RAB37: variants seen among roughly 807,000 people sequenced by gnomAD.
RAB37 encodes RAB37, member RAS oncogene family.
Under a neutral mutation model 33.1 loss-of-function variants are expected in RAB37, and 29 were observed. The ratio of observed to expected loss-of-function variants is 0.88; its 90% CI spans 0.65 to 1.20. The LOEUF (loss-of-function observed/expected upper bound fraction) is 1.20, where lower values mean the gene tolerates loss of function less well. RAB37 is among the 50% of genes most tolerant of loss of function. The probability of loss-of-function intolerance (pLI) is 0.00; values close to 1 mark genes in which losing one functional copy is unlikely to be tolerated. For synonymous variants in RAB37, 128 were observed against 119.5 expected (o/e 1.07, Z -0.47); for missense variants, 299 against 301.1 (o/e 0.99, Z 0.05).
upstream of RAB37, chr17:74,736,602 C>G (rs2034478402): frequency 6.5e-7 from 1 of 1,531,006 alleles, no homozygotes; most frequent in Non-Finnish European, 8.7e-7. Flanking sequence ...CTTGCGAAAG[C>G]TCTCCCCTGG....
At chr17:74,702,977 G>T in intron 1 of RAB37, 2 of 1,371,962 alleles carry the variant, frequency 1.5e-6, no homozygotes, top group Non-Finnish European at 2.1e-6. Flanking sequence ...ACTTCAAAGA[G>T]TTCTCCATTG....
intron 1 of RAB37, among the ~76,000 whole-genome samples, chr17:74,682,393 G>A (rs1356139933): frequency 4.6e-5 from 7 of 152,062 alleles, no homozygotes; most frequent in African/African-American, 1.7e-4. Context: ...TCCCCGTGGG[G>A]CCCCATTATT....
intron 1 of RAB37, among the ~76,000 whole-genome samples, chr17:74,719,466 A>G (rs1027215046): frequency 6.6e-6 from 1 of 152,094 alleles, no homozygotes; most frequent in Non-Finnish European, 1.5e-5. Flanking sequence ...AAAATAAATA[A>G]ATAAAATAAA....
chr17:74,697,315 C>T (rs547473998), intron 1 of RAB37, among the ~76,000 whole-genome samples: 1 of 152,242 alleles, frequency 6.6e-6, no homozygotes, highest in East Asian at 1.9e-4. Flanking sequence ...TTTCTCCCCT[C>T]CCCAGCCACC....
At chr17:74,713,406 G>C (rs2034093731) in intron 1 of RAB37, among the ~76,000 whole-genome samples, 1 of 152,002 alleles carries the variant, frequency 6.6e-6, no homozygotes, top group South Asian at 2.1e-4. Context: ...ATCAGCTTCT[G>C]AGAAGTACCT....
rs749387231 is a variant in RAB37 at position 74,742,204 on chromosome 17, A to C, written c.205-50A>C. On this transcript the variant is annotated intron_variant, in intron 2 of 8. Coordinates refer to ENST00000392613, the MANE Select transcript of RAB37 (RefSeq NM_001006638.3). The surrounding 1 kb of genome is among the most constrained non-coding windows in gnomAD (Gnocchi z 4.0). ...ACAAGACAGGACGTCTGCAGAGCTG[A>C]GGAGCCACATGACTCCTGCCCTCCC... The C allele has an allele frequency of 1.9e-6, 3 of 1,604,502 alleles. No homozygotes were observed. Among genetic ancestry groups the C allele is most frequent in the Non-Finnish European group, 1.7e-6 (2 of 1,175,072 alleles).
Position 74,707,239 on chromosome 17 carries a change from AC to A in RAB37, c.73-22016del, listed in dbSNP as rs543584622. Among the ~76,000 whole-genome samples the A allele has an allele frequency of 5.3e-5, 8 of 152,342 alleles. No individual in the cohort carries two copies. The South Asian group carries it at 1.7e-3, about 32-fold the overall frequency. ...AAAATATTTGCAAACCATAAATCTGACAAAGAGCTGATATCCAAAATACATA... is the reference window on the plus strand; with the variant it reads ...AAAATATTTGCAAACCATAAATCTGAAAAGAGCTGATATCCAAAATACATA... On this transcript the variant is annotated intron_variant, in intron 1 of 7. Coordinates refer to the RAB37 transcript ENST00000340415.
At chr17:74,705,210 T>C in intron 1 of RAB37, 1 of 702,458 alleles carries the variant, frequency 1.4e-6, no homozygotes, top group Middle Eastern at 2.3e-4. Context: ...TTACCTTGAC[T>C]CTTAGCACTG....
chr17:74,706,560 C>T (rs1395364875), intron 1 of RAB37, among the ~76,000 whole-genome samples: 2 of 151,938 alleles, frequency 1.3e-5, no homozygotes, highest in Non-Finnish European at 2.9e-5. Flanking sequence ...CCCAGCTACT[C>T]GGGAGGCTGA....
At chr17:74,727,630 T>C (rs548350250) in intron 1 of RAB37, among the ~76,000 whole-genome samples, 1 of 152,248 alleles carries the variant, frequency 6.6e-6, no homozygotes, top group East Asian at 1.9e-4. Flanking sequence ...ATGATGGCTT[T>C]CAGAGCACGG....
intron 1 of RAB37, among the ~76,000 whole-genome samples, chr17:74,700,726 T>C (rs147471984): frequency 7.2e-5 from 11 of 152,196 alleles, no homozygotes; most frequent in Non-Finnish European, 1.3e-4. Flanking sequence ...CACTCCAGCA[T>C]GGGTGACAGA....
intron 1 of RAB37, among the ~76,000 whole-genome samples, chr17:74,691,749 T>C (rs1354906840): frequency 1.3e-5 from 2 of 152,234 alleles, no homozygotes; most frequent in Non-Finnish European, 2.9e-5. Context: ...CATAAGCATA[T>C]ACTTATACAT....
At chr17:74,695,932 C>A in intron 1 of RAB37, 2 of 1,532,682 alleles carry the variant, frequency 1.3e-6, no homozygotes, top group Non-Finnish European at 1.8e-6. Context: ...CACGGTGGGA[C>A]GGGACGAGAG....
Position 74,713,117 on chromosome 17 carries a change from C to T in RAB37, c.73-16139C>T, listed in dbSNP as rs546143664. Reference sequence around the variant, plus strand: ...ATCAGGAGTTCAAGATCAGCCTGGCCAACATAGTGAAACCCCGTCTCTACT... The same window carrying T: ...ATCAGGAGTTCAAGATCAGCCTGGCTAACATAGTGAAACCCCGTCTCTACT... On this transcript the variant is annotated intron_variant, in intron 1 of 7. Coordinates refer to the RAB37 transcript ENST00000340415. 222 of 476,188 alleles carry T rather than the reference C, an allele frequency of 4.7e-4. No homozygotes were observed. In the East Asian group the frequency reaches 8.2e-3, roughly 18 times the overall value. 29.5% of individuals were successfully genotyped at this position (476,188 alleles called of 1,614,324 possible).
rs773267580 is a variant in RAB37, at chr17:74,704,475, T to TA, written c.73-24780dup. On this transcript the variant is annotated intron_variant, in intron 1 of 7. Transcript: ENST00000340415. ...ACACACACATATATACACTCCCTCT[T>TA]ACCTGGGTCAATGGTCACTTGAACT... 3.7e-6 allele frequency: 6 copies of TA among 1,605,360 alleles called. No homozygotes were observed. The African/African-American group carries it at 8.0e-5, about 21-fold the overall frequency.
intron 1 of RAB37, among the ~76,000 whole-genome samples, chr17:74,700,141 C>CAATAAATAAATA (rs77860062): frequency 6.8e-6 from 1 of 147,722 alleles, no homozygotes; most frequent in East Asian, 2.0e-4. Flanking sequence ...GACCCTGTCT[C>CAATAAATAAATA]AATAAATAAA....
upstream of RAB37, among the ~76,000 whole-genome samples, chr17:74,734,444 G>C (rs1334864481): frequency 6.6e-6 from 1 of 152,190 alleles, no homozygotes; most frequent in Non-Finnish European, 1.5e-5. Flanking sequence ...TGTCTTTGGG[G>C]GACAGAATTC....
At chr17:74,718,746 G>T (rs1009809249) in intron 1 of RAB37, among the ~76,000 whole-genome samples, 1 of 152,194 alleles carries the variant, frequency 6.6e-6, no homozygotes, top group Admixed American at 6.5e-5. Context: ...TGAACACAAA[G>T]AATGCATCTT....
rs1446533194 is a variant in RAB37 at position 74,709,215 on chromosome 17, T to C, written c.73-20041T>C. On this transcript the variant is annotated intron_variant, in intron 1 of 7. Coordinates refer to the RAB37 transcript ENST00000340415. ...CTCCAGCCTGGAGACAGAGCAAGAC[T>C]GACTCAAAAAAAAAAAGGAAAAAAG... Among the ~76,000 whole-genome samples the C allele has an allele frequency of 5.3e-5, 8 of 150,306 alleles. No individual in the cohort carries two copies. The South Asian group carries it at 1.5e-3, about 27-fold the overall frequency.
Sources: allele counts gnomAD v4.1 joint callset (sites outside exome capture counted in the v4.1 genomes callset), GRCh38; gene constraint gnomAD v4.1.1; non-coding constraint Gnocchi (gnomAD v3.1); transcripts MANE v1.5; gene names NCBI Gene and HGNC (gene_info 2026-07-23, HGNC 2026-07-21).